The following LIFR variants were observed in gnomAD, a reference collection of about 807,000 sequenced individuals.
LIFR encodes LIF receptor subunit alpha.
Under a neutral mutation model 122.2 loss-of-function variants are expected in LIFR, and 84 were observed. The observed-to-expected ratio is 0.69, with a 90% confidence interval of 0.58 to 0.82. The LOEUF (loss-of-function observed/expected upper bound fraction) is 0.82, where lower values mean the gene tolerates loss of function less well. LIFR is among the 40% of genes least tolerant of loss of function. LIFR has a pLI of 0.00. For synonymous variants in LIFR, 422 were observed against 434.7 expected (o/e 0.97, Z 0.36); for missense variants, 1,294 against 1,311.6 (o/e 0.99, Z 0.21).
chr5:38,516,991 A>G (rs1328928860), intron 5 of LIFR, among the ~76,000 whole-genome samples: 5 of 152,006 alleles, frequency 3.3e-5, no homozygotes, highest in Non-Finnish European at 7.4e-5. Flanking sequence ...CTCACTTATA[A>G]GTGGGAGTTG....
chr5:38,527,393 C>T, intron 3 of LIFR, 99 bp from the exon 4 acceptor site: 2 of 762,652 alleles, frequency 2.6e-6, no homozygotes, highest in Non-Finnish European at 4.4e-6. Flanking sequence ...ATACTTTATG[C>T]CCTCTTTGTT....
chr5:38,604,927 T>C (rs1244531957), intron 2 of LIFR, among the ~76,000 whole-genome samples: 13 of 152,062 alleles, frequency 8.5e-5, no homozygotes, highest in Admixed American at 7.9e-4. Context: ...TTCCAGGTCA[T>C]AGGTAAATTT....
At chr5:38,541,558 A>G (rs1747593523) in intron 1 of LIFR, among the ~76,000 whole-genome samples, 1 of 152,224 alleles carries the variant, frequency 6.6e-6, no homozygotes, top group African/African-American at 2.4e-5. Context: ...CTTTTATCAC[A>G]TGATCAACCT....
At chr5:38,577,344 C>T (rs1489920922) in intron 1 of LIFR, among the ~76,000 whole-genome samples, 2 of 152,218 alleles carry the variant, frequency 1.3e-5, no homozygotes, top group African/African-American at 4.8e-5. Flanking sequence ...GCTCTGCCTA[C>T]CCACCTACTC....
chr5:38,511,233 T>C (rs1745784099), intron 6 of LIFR, among the ~76,000 whole-genome samples: 2 of 152,206 alleles, frequency 1.3e-5, no homozygotes, highest in Admixed American at 6.5e-5. Flanking sequence ...CCTTCCTTCC[T>C]CTAATCCTTT....
At chr5:38,549,854 AT>A (rs201253120) in intron 1 of LIFR, among the ~76,000 whole-genome samples, 4 of 152,084 alleles carry the variant, frequency 2.6e-5, no homozygotes, top group African/African-American at 4.8e-5. Context: ...TTTTAAATGT[AT>A]TTTTTTTGTG....
At chr5:38,507,026 C>T (rs540931837) in intron 7 of LIFR, among the ~76,000 whole-genome samples, 6 of 152,090 alleles carry the variant, frequency 3.9e-5, no homozygotes, top group Admixed American at 1.3e-4. Flanking sequence ...TACTGTGATT[C>T]GAAAAGAAAT....
At chr5:38,544,291 T>C (rs1747753635) in intron 1 of LIFR, among the ~76,000 whole-genome samples, 1 of 152,110 alleles carries the variant, frequency 6.6e-6, no homozygotes, top group Admixed American at 6.5e-5. Context: ...TAAAACCGTC[T>C]AGTGGATTCT....
chr5:38,506,668 T>C, intron 7 of LIFR, 36 bp from the exon 8 acceptor site: 2 of 1,568,516 alleles, frequency 1.3e-6, no homozygotes, highest in African/African-American at 1.3e-5. Flanking sequence ...TATGATTACA[T>C]ATATTTTCCC....
intron 1 of LIFR, among the ~76,000 whole-genome samples, chr5:38,554,489 G>A (rs1748408169): frequency 6.6e-6 from 1 of 152,288 alleles, no homozygotes; most frequent in South Asian, 2.1e-4. Flanking sequence ...TCACAATGAA[G>A]AGATTAAATA....
intron 12 of LIFR, among the ~76,000 whole-genome samples, chr5:38,497,771 T>C (rs1744961061): frequency 6.6e-6 from 1 of 152,212 alleles, no homozygotes; most frequent in Admixed American, 6.5e-5. Context: ...TTCCATAATA[T>C]ATGCTAATAT....
At position 38,502,738 on chromosome 5, in the gene LIFR, T is replaced by C; in HGVS notation, c.1499A>G (p.Asn500Ser). 4.3e-6 allele frequency: 7 copies of C among 1,611,808 alleles called. No individual in the cohort carries two copies. The highest frequency in any genetic ancestry group is 5.9e-6 in the Non-Finnish European group (7 of 1,177,950). Residue 500 changes from asparagine to serine, a missense_variant, in exon 11 of 20, where the codon AAT becomes AGT. Coordinates refer to ENST00000453190, the MANE Select transcript of LIFR (RefSeq NM_001127671.2). ...SSYLVALDKL[N>S]PYTLYTFRIR... ...CCGAAAAGTATATAGAGTGTATGGA[T>C]TTAACTTGTCCAGAGCAACAAGATA...
intron 1 of LIFR, among the ~76,000 whole-genome samples, chr5:38,553,002 C>T (rs1190963674): frequency 1.3e-5 from 2 of 152,202 alleles, no homozygotes; most frequent in Non-Finnish European, 2.9e-5. Context: ...CCACCACTCA[C>T]ATCTTTCCCA....
At chr5:38,565,576 A>G (rs1468365502) in intron 1 of LIFR, among the ~76,000 whole-genome samples, 2 of 151,228 alleles carry the variant, frequency 1.3e-5, no homozygotes, top group African/African-American at 4.9e-5. Context: ...TACCTCTGTC[A>G]TGATTGTTGA....
At position 38,478,699 on chromosome 5, in the gene LIFR, G is replaced by T; in HGVS notation, c.*2896C>A. 1 of 207,506 alleles carries T rather than the reference G, an allele frequency of 4.8e-6. No individual in the cohort carries two copies. Among genetic ancestry groups the T allele is most frequent in the Non-Finnish European group, 9.9e-6 (1 of 101,362 alleles). 12.9% of individuals were successfully genotyped at this position (207,506 alleles called of 1,614,324 possible). On this transcript the variant is annotated 3_prime_UTR_variant, in exon 20 of 20. Transcript: ENST00000453190. ...TCTCCATTCCTCGCAAGGGAAGCTT[G>T]ATTTGAAACTGGCTTGTAAGTGAAT...
At chr5:38,608,309 C>T (rs1316952124) in exon 1 of LIFR, 1 of 152,044 alleles carries the variant, frequency 6.6e-6, no homozygotes, top group East Asian at 1.9e-4. Flanking sequence ...ATTTGCTTTT[C>T]CAATCTTCAG....
chr5:38,571,917 A>G (rs575865515), intron 1 of LIFR, among the ~76,000 whole-genome samples: 42 of 152,314 alleles, frequency 2.8e-4, no homozygotes, highest in Non-Finnish European at 4.4e-4. Flanking sequence ...GGCATTACCC[A>G]TGAGTACTTT....
intron 1 of LIFR, among the ~76,000 whole-genome samples, chr5:38,532,071 T>C (rs1429244609): frequency 6.6e-6 from 1 of 152,220 alleles, no homozygotes; most frequent in African/African-American, 2.4e-5. Flanking sequence ...AACTGAGTAA[T>C]GGAGCCAAAC....
At position 38,479,914 on chromosome 5, in the gene LIFR, C is replaced by T; in HGVS notation, c.*1681G>A. 4.4e-6 allele frequency: 1 copy of T among 224,932 alleles called. No homozygotes were observed. The highest frequency in any genetic ancestry group is 6.5e-5 in the East Asian group (1 of 15,352). The allele number at this position is 224,932 out of a possible 1,614,324, so 13.9% of individuals were successfully genotyped here. ...TGAATTGCATTTCATTCCAAATTTC[C>T]ACAGATCATAAAGCTCAGAAATTTA... On this transcript the variant is annotated 3_prime_UTR_variant, in exon 20 of 20. Transcript: ENST00000453190.
Sources: allele counts gnomAD v4.1 joint callset (sites outside exome capture counted in the v4.1 genomes callset), GRCh38; gene constraint gnomAD v4.1.1; transcripts MANE v1.5; gene names NCBI Gene and HGNC (gene_info 2026-07-23, HGNC 2026-07-21).